The following ZNF408 variants were observed in gnomAD, a reference collection of about 807,000 sequenced individuals.
ZNF408 encodes zinc finger protein 408.
In ZNF408, 24 loss-of-function variants were observed where a neutral mutation model predicts 27.6. That is an observed-to-expected ratio of 0.87 (90% confidence interval 0.63 to 1.22). ZNF408 has a LOEUF of 1.22. ZNF408 is among the 50% of genes most tolerant of loss of function. ZNF408 has a pLI of 0.00. For synonymous variants in ZNF408, 410 were observed against 396.1 expected, an observed-to-expected ratio of 1.04 and a Z score of -0.42; for missense variants, 897 against 949.0, an observed-to-expected ratio of 0.95 and a Z score of 0.72.
chr11:46,705,696 G>A lies in ZNF408; in HGVS notation c.1996G>A (p.Glu666Lys), dbSNP rs756397869. 13 of 1,613,718 alleles carry A rather than the reference G, an allele frequency of 8.1e-6. No homozygotes were observed. The highest frequency in any genetic ancestry group is 1.1e-5 in the South Asian group (1 of 91,054). ...ACTGCTGGACACACACAGAGAGGAG[G>A]AAGTCTCCCCCGCCAGGGATGTTGT... ...PQLLDTHREE[E>K]VSPARDVVEV... Residue 666 changes from glutamate (E) to lysine (K), a missense_variant, in exon 5 of 5, where the codon GAA (glutamate) becomes AAA (lysine). Coordinates refer to ENST00000311764, the MANE Select transcript of ZNF408 (RefSeq NM_024741.3). This position sits in a 1 kb window ranked among gnomAD's most constrained non-coding sequence, Gnocchi z 6.5.
chr11:46,703,069 C>T lies in ZNF408; in HGVS notation c.478C>T (p.Leu160=). The change falls in exon 4 of 5, where the codon CTG becomes TTG. Residue 160 remains leucine, a synonymous_variant. Transcript: ENST00000311764. ...SERLHLQVYQ[L]VLPGSELLLW... is the part of the protein sequence containing the mutation. ...GAGGCTTCATCTGCAAGTGTACCAG[C>T]TGGTGCTGCCAGGCTCTGAACTGCT... 4.3e-6 allele frequency: 7 copies of T among 1,613,780 alleles called. No individual in the cohort carries two copies. Among genetic ancestry groups the T allele is most frequent in the African/African-American group, 1.3e-5 (1 of 75,038 alleles).
In ZNF408 at chr11:46,701,055, A is replaced by C; in HGVS notation, c.8A>C (p.Glu3Ala). ...GAGGCTTTCTGACCCGGAATGGAGG[A>C]GGCGGAGGAGCTGCTCTTGGAGGGG... is the stretch of plus-strand genomic sequence containing the variant. MEEAEELLLEGKK... is the reference protein window; with the variant it reads MEAAEELLLEGKK... Residue 3 changes from glutamate (E) to alanine (A), a missense_variant, in exon 1 of 5, where the codon GAG (glutamate) becomes GCG (alanine). Physicochemically the swap from Glu to Ala is moderately radical, Grantham distance 107 (BLOSUM62 -1). Transcript: ENST00000311764. 1.9e-6 allele frequency: 3 copies of C among 1,614,058 alleles called. No individual in the cohort carries two copies. The highest frequency in any genetic ancestry group is 2.5e-6 in the Non-Finnish European group (3 of 1,179,978).
At chr11:46,701,275 C>T (rs955345072) in intron 1 of ZNF408, 124 bp from the exon 2 acceptor site, 2 of 1,556,656 alleles carry the variant, frequency 1.3e-6, no homozygotes, top group South Asian at 2.3e-5. Context: ...CAGGGCCCTC[C>T]TTAGAGCCCT....
rs764751119 is a variant in ZNF408, at chr11:46,705,277, G to C, written c.1577G>C (p.Cys526Ser). 1 of 1,612,122 alleles carries C rather than the reference G, an allele frequency of 6.2e-7. No individual in the cohort carries two copies. Among genetic ancestry groups the C allele is most frequent in the South Asian group, 1.1e-5 (1 of 91,080 alleles). The change falls in exon 5 of 5, where the codon TGC becomes TCC. Residue 526 changes from cysteine (C) to serine (S), a missense_variant. Physicochemically the swap from Cys to Ser is moderately radical, Grantham distance 112. Transcript: ENST00000311764. The surrounding 1 kb of genome is among the most constrained non-coding windows in gnomAD (Gnocchi z 6.5). ...CACACCGGGGAGCGTCCTTACCGCTGCCCACACTGTGCCGATGCCTTCCCC... is the reference window on the plus strand; with the variant it reads ...CACACCGGGGAGCGTCCTTACCGCTCCCCACACTGTGCCGATGCCTTCCCC... ...RLHTGERPYR[C>S]PHCADAFPQL... is the part of the protein sequence containing the mutation.
chr11:46,701,494 G>A lies in ZNF408; in HGVS notation c.148G>A (p.Asp50Asn), dbSNP rs778538528. The change falls in exon 2 of 5, where the codon GAC becomes AAC. Residue 50 changes from aspartate to asparagine, a missense_variant. Coordinates refer to ENST00000311764, the MANE Select transcript of ZNF408 (RefSeq NM_024741.3). ...LKDVPPEPTRDILALKSLPRG... is the reference protein window; with the variant it reads ...LKDVPPEPTRNILALKSLPRG... ...AGACGTCCCACCCGAGCCGACCCGA[G>A]ACATCCTCGCTTTAAAGAGCCTTCC... The A allele has an allele frequency of 2.5e-6, 4 of 1,614,096 alleles. No homozygotes were observed. In the South Asian group the frequency reaches 3.3e-5, roughly 13 times the overall value.
At position 46,704,596 on chromosome 11, in the gene ZNF408, C is replaced by T. The variant is rs747216699; in HGVS notation, c.896C>T (p.Thr299Ile). The T allele has an allele frequency of 7.4e-6, 12 of 1,613,686 alleles. No individual in the cohort carries two copies. The highest frequency in any genetic ancestry group is 1.1e-5 in the South Asian group (1 of 91,080). Residue 299 changes from threonine to isoleucine, a missense_variant, in exon 5 of 5, where the codon ACC (threonine) becomes ATC (isoleucine). By Grantham distance (89) the Thr-to-Ile change is moderately conservative. Transcript: ENST00000311764. ...GASFSSSARG[T>I]QPHGYLAKKL... ...AGTTTCTCATCTTCTGCCAGGGGCA[C>T]CCAGCCGCATGGCTACCTGGCCAAG...
chr11:46,701,392 T>A lies in ZNF408; in HGVS notation c.53-7T>A. 2 of 1,612,350 alleles carry A rather than the reference T, an allele frequency of 1.2e-6. No individual in the cohort carries two copies. The highest frequency in any genetic ancestry group is 1.7e-6 in the Non-Finnish European group (2 of 1,178,854). On this transcript the variant is annotated splice_polypyrimidine_tract_variant and splice_region_variant and intron_variant, in intron 1 of 4. Coordinates refer to ENST00000311764, the MANE Select transcript of ZNF408 (RefSeq NM_024741.3). ...GGCTCCCTCACTGTCTTCCCTTCTC[T>A]CTGCAGCCCGCGAGCCGCGCCTGGG...
Position 46,705,008 on chromosome 11 carries a change from C to A in ZNF408, c.1308C>A (p.Pro436=), listed in dbSNP as rs555672815. The A allele has an allele frequency of 1.9e-6, 3 of 1,613,434 alleles. No individual in the cohort carries two copies. The highest frequency in any genetic ancestry group is 2.7e-5 in the African/African-American group (2 of 75,048). ...AGGTGGTACATTCAGGTGCCCGGCCCTTTGCTTGTGACCAGTGTGGCAAGG... is the reference window on the plus strand; with the variant it reads ...AGGTGGTACATTCAGGTGCCCGGCCATTTGCTTGTGACCAGTGTGGCAAGG... ...EHQVVHSGAR[P]FACDQCGKAF... is the part of the protein sequence containing the mutation. The change falls in exon 5 of 5, where the codon CCC becomes CCA. Residue 436 remains proline (P), a synonymous_variant. Coordinates refer to ENST00000311764, the MANE Select transcript of ZNF408 (RefSeq NM_024741.3). This position sits in a 1 kb window ranked among gnomAD's most constrained non-coding sequence, Gnocchi z 6.5.
At chr11:46,701,868 C>T (rs1347617725) in intron 2 of ZNF408, 192 bp downstream of exon 2, 2 of 697,606 alleles carry the variant, frequency 2.9e-6, no homozygotes, top group African/African-American at 1.8e-5. Context: ...TTGTTGAAAG[C>T]TGGAATCATA....
In ZNF408 at chr11:46,705,400, G is replaced by A. The variant is rs553942379; in HGVS notation, c.1700G>A (p.Arg567Gln). 4.4e-6 allele frequency: 7 copies of A among 1,607,904 alleles called. No individual in the cohort carries two copies. The highest frequency in any genetic ancestry group is 2.2e-5 in the East Asian group (1 of 44,828). ...GKALRDPHTL[R>Q]AHERLHSGER... ...GCCCTCCGAGACCCACACACGCTCC[G>A]AGCTCACGAGCGCCTGCACTCCGGA... Residue 567 changes from arginine (R) to glutamine (Q), a missense_variant, in exon 5 of 5, where the codon CGA (arginine) becomes CAA (glutamine). Arg to Gln is a conservative substitution (Grantham distance 43). Transcript: ENST00000311764. The surrounding 1 kb of genome is among the most constrained non-coding windows in gnomAD (Gnocchi z 6.5).
rs748766267 is a variant in ZNF408 at position 46,705,066 on chromosome 11, C to T, written c.1366C>T (p.Arg456Cys). ...FARRPSLRLH[R>C]KTHQVPAAPA... ...CCGCCGGCCCTCCCTGCGGCTGCAT[C>T]GCAAGACCCACCAGGTGCCAGCTGC... Residue 456 changes from arginine (R) to cysteine (C), a missense_variant, in exon 5 of 5, where the codon CGC (arginine) becomes TGC (cysteine). Transcript: ENST00000311764. This position sits in a 1 kb window ranked among gnomAD's most constrained non-coding sequence, Gnocchi z 6.5. 16 of 1,612,748 alleles carry T rather than the reference C, an allele frequency of 9.9e-6. No homozygotes were observed. The highest frequency in any genetic ancestry group is 6.7e-5 in the East Asian group (3 of 44,870).
chr11:46,702,136 C>T (rs968099624), intron 2 of ZNF408, among the ~76,000 whole-genome samples: 99 of 152,262 alleles, frequency 6.5e-4, no homozygotes, highest in African/African-American at 2.3e-3. Flanking sequence ...GCTTTGTCGC[C>T]CAGGCTGGAG....
At chr11:46,702,373 G>A (rs1217409219) in intron 2 of ZNF408, among the ~76,000 whole-genome samples, 1 of 152,214 alleles carries the variant, frequency 6.6e-6, no homozygotes, top group Non-Finnish European at 1.5e-5. Flanking sequence ...GAGATTACAG[G>A]TGTGAGCCCC....
At chr11:46,702,384 C>T (rs1035777713) in intron 2 of ZNF408, among the ~76,000 whole-genome samples, 1 of 152,192 alleles carries the variant, frequency 6.6e-6, no homozygotes, top group Non-Finnish European at 1.5e-5. Flanking sequence ...TGTGAGCCCC[C>T]GCGCCTGGCC....
rs748927988 is a variant in ZNF408 at position 46,703,085 on chromosome 11, C to T, written c.494C>T (p.Ser165Phe). 1.2e-6 allele frequency: 2 copies of T among 1,613,364 alleles called. No individual in the cohort carries two copies. Among genetic ancestry groups the T allele is most frequent in the Admixed American group, 3.3e-5 (2 of 59,780 alleles). Residue 165 changes from serine to phenylalanine, a missense_variant, in exon 4 of 5, where the codon TCT becomes TTT. Physicochemically the swap from Ser to Phe is radical, Grantham distance 155. Transcript: ENST00000311764. ...GTGTACCAGCTGGTGCTGCCAGGCT[C>T]TGAACTGCTGCTGTGGCCCCAGCCT... ...LQVYQLVLPG[S>F]ELLLWPQPSS...
chr11:46,703,237 T>C lies in ZNF408; in HGVS notation c.646T>C (p.Cys216Arg), dbSNP rs779989139. ...ASPGEDAAEP[C>R]IDPGSQSPSG... Reference sequence around the variant, plus strand: ...CCCTGGGGAGGATGCAGCAGAACCTTGCATAGGTATGTGTCAAATAAATGC... The same window carrying C: ...CCCTGGGGAGGATGCAGCAGAACCTCGCATAGGTATGTGTCAAATAAATGC... Residue 216 changes from cysteine to arginine, a missense_variant, in exon 4 of 5, where the codon TGC becomes CGC. Transcript: ENST00000311764. The C allele has an allele frequency of 3.1e-6, 5 of 1,611,004 alleles. No homozygotes were observed. The highest frequency in any genetic ancestry group is 1.7e-5 in the Admixed American group (1 of 59,582).
At chr11:46,702,790 TC>T (rs2064719516) in intron 3 of ZNF408, 25 bp downstream of exon 3, 1 of 1,613,422 alleles carries the variant, frequency 6.2e-7, no homozygotes. Context: ...AGTGTGTCGT[TC>T]CTTTGAGGTT....
At chr11:46,701,735 T>A (rs2064709576) in intron 2 of ZNF408, 59 bp downstream of exon 2, 1 of 1,452,926 alleles carries the variant, frequency 6.9e-7, no homozygotes, top group Non-Finnish European at 9.1e-7. Context: ...GGTTTGGACA[T>A]TGCTAGACAG....
rs1232103701 is a variant in ZNF408, at chr11:46,703,773, T to G, written c.652+530T>G. On this transcript the variant is annotated intron_variant, in intron 4 of 4. Coordinates refer to ENST00000311764, the MANE Select transcript of ZNF408 (RefSeq NM_024741.3). ...TGTTGTTGTTGTTGTTGTTGTTGTT[T>G]TTTTTTTTTTTTGAGATGGAGTCTC... is the stretch of plus-strand genomic sequence containing the variant. Among the ~76,000 whole-genome samples, 12 of 140,984 alleles carry G rather than the reference T, an allele frequency of 8.5e-5. 1 individual carries two copies. Among genetic ancestry groups the G allele is most frequent in the Admixed American group, 2.8e-4 (4 of 14,330 alleles). 92.5% of individuals were successfully genotyped at this position (140,984 alleles called of 152,430 possible).
Sources: gnomAD v4.1 joint callset for allele counts (sites outside exome capture counted in the v4.1 genomes callset) on GRCh38, gnomAD v4.1.1 for gene constraint, Gnocchi (gnomAD v3.1) non-coding constraint, MANE v1.5 for transcripts, NCBI Gene and HGNC (gene_info 2026-07-23, HGNC 2026-07-21) for gene names.